DAB1: variants seen among roughly 807,000 people sequenced by gnomAD.
The protein encoded by DAB1 is DAB adaptor protein 1.
DAB1 carries 15 observed loss-of-function variants against 64.6 expected under a neutral mutation model. The ratio of observed to expected loss-of-function variants is 0.23; its 90% confidence interval spans 0.16 to 0.36. The LOEUF is 0.36. DAB1 is among the 10% of genes least tolerant of loss of function. The pLI, the probability that DAB1 is intolerant of heterozygous loss-of-function variation, is 1.00. For missense variants in DAB1, 596 were observed against 706.7 expected (o/e 0.84, Z 1.78); for synonymous variants, 235 against 251.9 (o/e 0.93, Z 0.64).
rs77859272 is a variant in DAB1 at position 57,401,661 on chromosome 1, C to T, written c.-137+22269G>A. On this transcript the variant is annotated intron_variant, in intron 1 of 14. Transcript: ENST00000371236. The stretch of plus-strand genomic sequence containing the variant: ...GATCTTAGTGATCACCCATCCAAAC[C>T]CTTTCATCTCAATTGAGAATATGTA... 2.0e-4 allele frequency among the ~76,000 whole-genome samples: 31 copies of T among 152,266 alleles called. No homozygotes were observed. The East Asian group carries it at 6.0e-3, about 29-fold the overall frequency.
chr1:57,651,280 T>A (rs1194000628), intron 6 of DAB1, among the ~76,000 whole-genome samples: 1 of 152,208 alleles, frequency 6.6e-6, no homozygotes, highest in Admixed American at 6.5e-5. Context: ...CAGGAATATT[T>A]ATCTAGTAAC....
intron 1 of DAB1, among the ~76,000 whole-genome samples, chr1:57,301,379 T>C (rs1291422627): frequency 2.0e-5 from 3 of 152,128 alleles, no homozygotes; most frequent in Non-Finnish European, 4.4e-5. Context: ...CATGATACCA[T>C]TCCTCATTTT....
At chr1:58,048,800 G>A (rs1306233951) in intron 5 of DAB1, 2 of 1,124,170 alleles carry the variant, frequency 1.8e-6, no homozygotes, top group Non-Finnish European at 2.7e-6. Context: ...TAGTATTTCT[G>A]AATGACAGTC....
At chr1:57,123,974 T>C (rs1239296012) in intron 4 of DAB1, among the ~76,000 whole-genome samples, 2 of 152,118 alleles carry the variant, frequency 1.3e-5, no homozygotes, top group Admixed American at 1.3e-4. Flanking sequence ...ACAATAAATA[T>C]ATAATACTTT....
At chr1:57,986,493 A>G (rs1646222315) in intron 5 of DAB1, among the ~76,000 whole-genome samples, 1 of 152,166 alleles carries the variant, frequency 6.6e-6, no homozygotes, top group Non-Finnish European at 1.5e-5. Flanking sequence ...ATACATTTCT[A>G]TTATTTCTAA....
chr1:57,648,768 A>T (rs1375060904), intron 7 of DAB1, among the ~76,000 whole-genome samples: 1 of 152,136 alleles, frequency 6.6e-6, no homozygotes, highest in Non-Finnish European at 1.5e-5. Context: ...TGGAGAAGAG[A>T]TGAATATTAC....
intron 3 of DAB1, chr1:58,481,043 C>G (rs539206571): frequency 1.1e-6 from 1 of 871,844 alleles, no homozygotes; most frequent in South Asian, 1.3e-5. Flanking sequence ...TATCCATTTT[C>G]TGTTTCTTCG....
At chr1:57,170,304 C>T (rs556097409) in intron 2 of DAB1, among the ~76,000 whole-genome samples, 2 of 152,228 alleles carry the variant, frequency 1.3e-5, no homozygotes, top group Non-Finnish European at 2.9e-5. Context: ...CAGCCCTTAC[C>T]ATGCTTTACA....
intron 6 of DAB1, among the ~76,000 whole-genome samples, chr1:57,752,189 C>A (rs1281513071): frequency 6.6e-6 from 1 of 152,234 alleles, no homozygotes; most frequent in East Asian, 1.9e-4. Context: ...CAGTTTCAGA[C>A]TTCCAAATGG....
intron 4 of DAB1, among the ~76,000 whole-genome samples, chr1:57,075,991 G>T (rs1254067618): frequency 6.6e-6 from 1 of 152,154 alleles, no homozygotes; most frequent in Non-Finnish European, 1.5e-5. Context: ...AGATCAGGGA[G>T]GGTCATAAAT....
intron 3 of DAB1, among the ~76,000 whole-genome samples, chr1:58,347,933 G>A (rs1557736867): frequency 1.3e-5 from 2 of 152,106 alleles, no homozygotes; most frequent in Admixed American, 6.5e-5. Flanking sequence ...CACTAACTCC[G>A]GGTCTTGCCT....
intron 5 of DAB1, among the ~76,000 whole-genome samples, chr1:57,944,995 G>T (rs958546600): frequency 2.0e-5 from 3 of 152,238 alleles, no homozygotes; most frequent in Non-Finnish European, 2.9e-5. Flanking sequence ...AAGTTGAAAA[G>T]GTCTTATAGG....
At chr1:57,290,169 C>G (rs913170173) in intron 2 of DAB1, among the ~76,000 whole-genome samples, 42 of 151,688 alleles carry the variant, frequency 2.8e-4, no homozygotes, top group African/African-American at 9.7e-4. Flanking sequence ...ACATTTACAT[C>G]AATTTTGGGA....
intron 1 of DAB1, among the ~76,000 whole-genome samples, chr1:57,385,336 A>G (rs900124547): frequency 6.6e-5 from 10 of 152,224 alleles, no homozygotes; most frequent in Admixed American, 5.2e-4. Flanking sequence ...ATCTCAGAGA[A>G]CTTCATAGGC....
chr1:58,278,167 C>A (rs1661497069), intron 4 of DAB1, among the ~76,000 whole-genome samples: 2 of 152,138 alleles, frequency 1.3e-5, no homozygotes, highest in Admixed American at 1.3e-4. Flanking sequence ...ATCATGGGGG[C>A]AGTTTCCCCC....
chr1:57,296,078 T>C (rs1034116187), intron 1 of DAB1, among the ~76,000 whole-genome samples: 22 of 152,088 alleles, frequency 1.4e-4, no homozygotes, highest in Non-Finnish European at 2.9e-5. Context: ...TTGTTTTCTG[T>C]AGTGTTATGA....
At chr1:57,586,526 T>C (rs1294730283) in intron 7 of DAB1, among the ~76,000 whole-genome samples, 1 of 152,018 alleles carries the variant, frequency 6.6e-6, no homozygotes, top group Non-Finnish European at 1.5e-5. Flanking sequence ...ACTCACTTCA[T>C]GGCGAACCAT....
intron 3 of DAB1, among the ~76,000 whole-genome samples, chr1:58,475,796 C>T (rs1328098981): frequency 6.6e-6 from 1 of 152,102 alleles, no homozygotes; most frequent in African/African-American, 2.4e-5. Flanking sequence ...ATCCTATTTT[C>T]CCAAATAAAT....
At chr1:57,725,469 G>A (rs1274289401) in intron 6 of DAB1, among the ~76,000 whole-genome samples, 1 of 152,098 alleles carries the variant, frequency 6.6e-6, no homozygotes, top group Non-Finnish European at 1.5e-5. Context: ...CCCCTTCAGA[G>A]ATACTACTTA....
Sources: allele counts gnomAD v4.1 joint callset (sites outside exome capture counted in the v4.1 genomes callset), GRCh38; gene constraint gnomAD v4.1.1; transcripts MANE v1.5; gene names NCBI Gene and HGNC (gene_info 2026-07-23, HGNC 2026-07-21).